The following PIGS variants were observed in gnomAD, a reference collection of about 807,000 sequenced individuals.
PIGS encodes GPI-anchor transamidase component PIGS.
In PIGS, 37 loss-of-function variants were observed where a neutral mutation model predicts 58.2. The ratio of observed to expected loss-of-function variants is 0.64; its 90% CI spans 0.49 to 0.84. PIGS has a LOEUF of 0.84. PIGS is among the 40% of genes least tolerant of loss of function. The pLI is 0.00. For synonymous variants in PIGS, 269 were observed against 289.2 expected, an observed-to-expected ratio of 0.93 and a Z score of 0.71; for missense variants, 629 against 710.8, an observed-to-expected ratio of 0.88 and a Z score of 1.31.
chr17:28,570,775 A>G, intron 3 of PIGS, 77 bp downstream of exon 3: 1 of 1,388,974 alleles, frequency 7.2e-7, no homozygotes, highest in East Asian at 2.3e-5. Context: ...TTTATGGTAC[A>G]CCCCCGCTCC....
chr17:28,557,452 C>G (rs962560112), intron 8 of PIGS: 2 of 173,944 alleles, frequency 1.1e-5, no homozygotes, highest in Middle Eastern at 2.3e-3. Context: ...TTCAGCCACA[C>G]TAAACTACTC....
At chr17:28,556,348 A>G in intron 9 of PIGS, 82 bp from the exon 10 acceptor site, 1 of 1,071,352 alleles carries the variant, frequency 9.3e-7, no homozygotes, top group Admixed American at 1.7e-5. Flanking sequence ...GAGAAAAGGA[A>G]AACATATTCT....
intron 6 of PIGS, among the ~76,000 whole-genome samples, chr17:28,560,866 A>T (rs1263093338): frequency 6.6e-6 from 1 of 152,206 alleles, no homozygotes; most frequent in Non-Finnish European, 1.5e-5. Context: ...AGGAGTGAGA[A>T]TCACTTGAAC....
rs762251130 is a variant in PIGS at position 28,556,197 on chromosome 17, G to A, written c.1150C>T (p.Arg384Ter). ...LPVRVEVDMV[R>*]VMEVFLAQLR... ...TGTGCCAGGAACACCTCCATCACTCGCACCATGTCCACCTCGACTCTCACT... is the reference window on the plus strand; with the variant it reads ...TGTGCCAGGAACACCTCCATCACTCACACCATGTCCACCTCGACTCTCACT... The change falls in exon 10 of 12, where the codon CGA (arginine) becomes TGA (stop). Residue 384 changes from arginine to a stop codon, truncating the protein, a stop_gained. Transcript: ENST00000308360. LOFTEE classifies it high-confidence loss of function. 21 of 1,613,824 alleles carry A rather than the reference G, an allele frequency of 1.3e-5. No individual in the cohort carries two copies. Among genetic ancestry groups the A allele is most frequent in the Non-Finnish European group, 1.5e-5 (18 of 1,179,828 alleles).
Position 28,567,729 on chromosome 17 carries a change from G to C in PIGS, c.286+3123C>G, listed in dbSNP as rs576170971. Among the ~76,000 whole-genome samples the C allele has an allele frequency of 9.9e-5, 15 of 152,284 alleles. 2 individuals are homozygous for C. In the South Asian group the frequency reaches 2.9e-3, roughly 30 times the overall value. Reference sequence around the variant, plus strand: ...AGCCTAGAATGCAAATTCTCACAGTGATCTACCAGGCCCTAAGTGATTCAG... The same window carrying C: ...AGCCTAGAATGCAAATTCTCACAGTCATCTACCAGGCCCTAAGTGATTCAG... On this transcript the variant is annotated intron_variant, in intron 3 of 11. Coordinates refer to ENST00000308360, the MANE Select transcript of PIGS (RefSeq NM_033198.4).
At chr17:28,558,999 G>T (rs916043538) in intron 7 of PIGS, among the ~76,000 whole-genome samples, 4 of 150,554 alleles carry the variant, frequency 2.7e-5, no homozygotes, top group African/African-American at 9.8e-5. Context: ...TTTTTTTTTT[G>T]AGATGGAGTC....
At chr17:28,558,326 C>T (rs1231662285) in intron 8 of PIGS, 150 bp downstream of exon 8, 1 of 652,752 alleles carries the variant, frequency 1.5e-6, no homozygotes, top group South Asian at 1.8e-5. Flanking sequence ...AAAAAGGAGC[C>T]TCAATCTCCA....
chr17:28,561,733 C>A, intron 5 of PIGS, 104 bp from the exon 6 acceptor site: 1 of 1,103,608 alleles, frequency 9.1e-7, no homozygotes, highest in African/African-American at 1.6e-5. Flanking sequence ...CAATGACCAA[C>A]AGGTTTGCAC....
intron 3 of PIGS, among the ~76,000 whole-genome samples, chr17:28,567,994 C>T (rs1474764470): frequency 6.6e-6 from 1 of 152,184 alleles, no homozygotes; most frequent in Admixed American, 6.5e-5. Context: ...CCTCCCTTGT[C>T]CACCCTATCT....
rs777830778 is a variant in PIGS at position 28,556,161 on chromosome 17, C to T, written c.1181+5G>A. ...TGTCCCCAAGTGGATCATCCAGGAC[C>T]TCACCGCAACTGTGCCAGGAACACC... On this transcript the variant is annotated splice_donor_5th_base_variant and intron_variant, in intron 10 of 11. Coordinates refer to ENST00000308360, the MANE Select transcript of PIGS (RefSeq NM_033198.4). The T allele has an allele frequency of 1.9e-6, 3 of 1,610,122 alleles. No homozygotes were observed. Among genetic ancestry groups the T allele is most frequent in the Non-Finnish European group, 2.6e-6 (3 of 1,176,352 alleles).
At chr17:28,569,062 G>A (rs558202980) in intron 3 of PIGS, among the ~76,000 whole-genome samples, 10 of 144,846 alleles carry the variant, frequency 6.9e-5, no homozygotes, top group Non-Finnish European at 1.2e-4. Flanking sequence ...GTGCCATTGC[G>A]CTCCAGCCTG....
intron 5 of PIGS, chr17:28,561,893 T>C (rs1263113348): frequency 5.4e-6 from 2 of 368,154 alleles, no homozygotes; most frequent in African/African-American, 2.1e-5. Flanking sequence ...AATGGTGAAA[T>C]GGAAACTCAG....
Position 28,553,982 on chromosome 17 carries a change from C to G in PIGS, c.*238G>C, listed in dbSNP as rs1177811822. On this transcript the variant is annotated 3_prime_UTR_variant, in exon 12 of 12. Transcript: ENST00000308360. ...AGCCTTATCAAACAAGATAAGGAGACCCGGATGATGTGCCTTTTGAGGCCC... is the reference window on the plus strand; with the variant it reads ...AGCCTTATCAAACAAGATAAGGAGAGCCGGATGATGTGCCTTTTGAGGCCC... The G allele has an allele frequency of 7.2e-6, 4 of 554,966 alleles. No individual in the cohort carries two copies. In the East Asian group the frequency reaches 1.3e-4, roughly 17 times the overall value. The allele number at this position is 554,966 out of a possible 1,614,324, so 34.4% of individuals were successfully genotyped here.
In PIGS at chr17:28,553,984, C is replaced by T. The variant is rs956796481; in HGVS notation, c.*236G>A. 5.4e-6 allele frequency: 3 copies of T among 559,918 alleles called. No homozygotes were observed. Among genetic ancestry groups the T allele is most frequent in the South Asian group, 2.1e-5 (1 of 47,400 alleles). 34.7% of individuals were successfully genotyped at this position (559,918 alleles called of 1,614,324 possible). A position where few individuals can be genotyped will look rare whatever the true frequency, so the allele number is the denominator to read the frequency against. On this transcript the variant is annotated 3_prime_UTR_variant, in exon 12 of 12. Transcript: ENST00000308360. The stretch of plus-strand genomic sequence containing the variant: ...CCTTATCAAACAAGATAAGGAGACC[C>T]GGATGATGTGCCTTTTGAGGCCCCT...
chr17:28,558,148 T>A (rs1387760163), intron 8 of PIGS, among the ~76,000 whole-genome samples: 2 of 151,912 alleles, frequency 1.3e-5, no homozygotes, highest in Non-Finnish European at 2.9e-5. Flanking sequence ...CTAAAAAAAA[T>A]TTTGAAAATT....
chr17:28,555,472 A>C, intron 10 of PIGS: 1 of 199,634 alleles, frequency 5.0e-6, no homozygotes, highest in South Asian at 8.0e-5. Context: ...GTGCTTCTCT[A>C]AGCCTGCATC....
intron 10 of PIGS, 73 bp downstream of exon 10, chr17:28,556,093 C>T (rs572171732): frequency 4.2e-6 from 6 of 1,413,536 alleles, no homozygotes; most frequent in South Asian, 2.3e-5. Flanking sequence ...CCAGGTAAGA[C>T]TTGATTCCAC....
In PIGS at chr17:28,554,063, C is replaced by A; in HGVS notation, c.*157G>T. ...ATGGGAAAGGAAGAAAAGATGAACC[C>A]ATCTTGGAGTGTTGTACTTTGGTTG... is the stretch of plus-strand genomic sequence containing the variant. On this transcript the variant is annotated 3_prime_UTR_variant, in exon 12 of 12. Transcript: ENST00000308360. The A allele has an allele frequency of 1.1e-6, 1 of 913,882 alleles. No homozygotes were observed. Among genetic ancestry groups the A allele is most frequent in the East Asian group, 2.5e-5 (1 of 39,490 alleles). The allele number at this position is 913,882 out of a possible 1,614,324, so 56.6% of individuals were successfully genotyped here.
intron 3 of PIGS, among the ~76,000 whole-genome samples, chr17:28,566,260 CT>C (rs1383290639): frequency 7.6e-6 from 1 of 131,794 alleles, no homozygotes; most frequent in Non-Finnish European, 1.6e-5. Context: ...CCCTTGTCTA[CT>C]TTTTCTTTTC....
Sources: allele counts gnomAD v4.1 joint callset (sites outside exome capture counted in the v4.1 genomes callset), GRCh38; gene constraint gnomAD v4.1.1; transcripts MANE v1.5; gene names NCBI Gene and HGNC (gene_info 2026-07-23, HGNC 2026-07-21).